The following MTURN variants were observed in gnomAD, a reference collection of about 807,000 sequenced individuals.
MTURN encodes the protein maturin, neural progenitor differentiation regulator homolog.
In MTURN, 7 loss-of-function variants were observed where a neutral mutation model predicts 14.9. The observed-to-expected ratio is 0.47, with a 90% CI of 0.27 to 0.88. The LOEUF (loss-of-function observed/expected upper bound fraction) is 0.88. Ranked by LOEUF, MTURN falls within the 40% of genes least tolerant of loss-of-function variation. The pLI is 0.14. For synonymous variants in MTURN, 69 were observed against 72.5 expected (o/e 0.95, Z 0.25); for missense variants, 151 against 174.1 (o/e 0.87, Z 0.75).
chr7:30,137,747 T>C, intron 1 of MTURN: 1 of 452,414 alleles, frequency 2.2e-6, no homozygotes, highest in Non-Finnish European at 4.6e-6. Context: ...AGTTCTTTTC[T>C]TTTTCCCTGG....
intron 1 of MTURN, chr7:30,145,716 A>C: frequency 9.4e-7 from 1 of 1,068,904 alleles, no homozygotes; most frequent in Middle Eastern, 3.1e-4. Context: ...TCACAGGCCG[A>C]TCTGGGTAAA....
chr7:30,155,947 G>A (rs1349851538), intron 2 of MTURN, among the ~76,000 whole-genome samples: 1 of 152,218 alleles, frequency 6.6e-6, no homozygotes, highest in Non-Finnish European at 1.5e-5. Context: ...CTGTCTTGAT[G>A]CAGTTAGTGT....
At chr7:30,139,677 C>T (rs1259275590) in intron 1 of MTURN, among the ~76,000 whole-genome samples, 1 of 152,184 alleles carries the variant, frequency 6.6e-6, no homozygotes, top group African/African-American at 2.4e-5. Flanking sequence ...CAGAACAGCC[C>T]ACAGGTGGGG....
chr7:30,144,969 C>G (rs1797107820), intron 1 of MTURN, among the ~76,000 whole-genome samples: 1 of 122,570 alleles, frequency 8.2e-6, no homozygotes, highest in South Asian at 2.6e-4. Flanking sequence ...GTTTAGCCAT[C>G]CTGGATCCGT....
rs886903305 is a variant in MTURN, at chr7:30,135,394, G to T, written c.162+96G>T. The T allele has an allele frequency of 6.7e-6, 8 of 1,197,776 alleles. No individual in the cohort carries two copies. In the African/African-American group the frequency reaches 1.3e-4, roughly 20 times the overall value. The allele number at this position is 1,197,776 out of a possible 1,614,324, so 74.2% of individuals were successfully genotyped here. ...GCTCCCGCGCGGTGGGCGGCGGTGG[G>T]CGCAGAGTGGGGGGCCGTAACCCGC... On this transcript the variant is annotated intron_variant, in intron 1 of 2. Transcript: ENST00000324453.
At chr7:30,139,217 A>C (rs1393484922) in intron 1 of MTURN, among the ~76,000 whole-genome samples, 1 of 152,212 alleles carries the variant, frequency 6.6e-6, no homozygotes, top group Non-Finnish European at 1.5e-5. Flanking sequence ...TCAGTTTCAA[A>C]GAATAATAAT....
intron 1 of MTURN, 46 bp downstream of exon 1, chr7:30,135,344 C>T: frequency 1.4e-6 from 2 of 1,456,180 alleles, no homozygotes; most frequent in African/African-American, 1.5e-5. Flanking sequence ...GGAGTGTGGA[C>T]GCGGCGGTGC....
intron 1 of MTURN, among the ~76,000 whole-genome samples, chr7:30,138,311 T>C (rs992673532): frequency 6.6e-6 from 1 of 152,110 alleles, no homozygotes; most frequent in Non-Finnish European, 1.5e-5. Flanking sequence ...GACAGGGTTT[T>C]GTTACGTTAC....
intron 1 of MTURN, among the ~76,000 whole-genome samples, chr7:30,140,554 T>C (rs1797035930): frequency 6.6e-6 from 1 of 152,170 alleles, no homozygotes; most frequent in Non-Finnish European, 1.5e-5. Context: ...GGAGAGAAAG[T>C]ACTTTCTTGT....
intron 2 of MTURN, among the ~76,000 whole-genome samples, chr7:30,149,327 G>A (rs1408244354): frequency 2.6e-5 from 4 of 152,200 alleles, no homozygotes; most frequent in Admixed American, 2.6e-4. Flanking sequence ...GGGCAGGGAT[G>A]TGGCTCCCCA....
In MTURN at chr7:30,162,384, T is replaced by A. The variant is rs1361876885; in HGVS notation, c.*4836T>A. The A allele has an allele frequency of 6.6e-6, 1 of 152,292 alleles. No homozygotes were observed. Among genetic ancestry groups the A allele is most frequent in the Non-Finnish European group, 1.5e-5 (1 of 68,036 alleles). 9.4% of individuals were successfully genotyped at this position (152,292 alleles called of 1,614,324 possible). A position where few individuals can be genotyped will look rare whatever the true frequency, so the allele number is the denominator to read the frequency against. On this transcript the variant is annotated 3_prime_UTR_variant, in exon 3 of 3. Transcript: ENST00000324453. ...AGTAAATCTTCAATGCTAGGGCAGATCTTCACTATCCGTGATCCAGTCTTA... is the reference window on the plus strand; with the variant it reads ...AGTAAATCTTCAATGCTAGGGCAGAACTTCACTATCCGTGATCCAGTCTTA...
At position 30,146,103 on chromosome 7, in the gene MTURN, C is replaced by G. The variant is rs189327356; in HGVS notation, c.163-74C>G. ...GATGTTATTAAGAAAATCTGCTTGG[C>G]TTTTCTGAACTTCACACTGAGTGTA... is the stretch of plus-strand genomic sequence containing the variant. On this transcript the variant is annotated intron_variant, in intron 1 of 2. Coordinates refer to ENST00000324453, the MANE Select transcript of MTURN (RefSeq NM_152793.3). The G allele has an allele frequency of 8.7e-5, 140 of 1,602,480 alleles. 1 individual carries two copies. The East Asian group carries it at 2.6e-3, about 30-fold the overall frequency.
At position 30,157,457 on chromosome 7, in the gene MTURN, C is replaced by T; in HGVS notation, c.305C>T (p.Ala102Val). ...SFRPLLGLPD[A>V]DDDAFEEYSA... is the part of the protein sequence containing the mutation. Reference sequence around the variant, plus strand: ...CTGTAGTTACTGGGGCTTCCGGATGCAGATGACGATGCGTTTGAAGAGTAC... The same window carrying T: ...CTGTAGTTACTGGGGCTTCCGGATGTAGATGACGATGCGTTTGAAGAGTAC... Residue 102 changes from alanine (A) to valine (V), a missense_variant, in exon 3 of 3, where the codon GCA becomes GTA. Ala to Val is a moderately conservative substitution (Grantham distance 64). Transcript: ENST00000324453. The T allele has an allele frequency of 6.2e-7, 1 of 1,600,338 alleles. No homozygotes were observed. Among genetic ancestry groups the T allele is most frequent in the Non-Finnish European group, 8.5e-7 (1 of 1,174,226 alleles).
intron 1 of MTURN, among the ~76,000 whole-genome samples, chr7:30,136,341 T>G (rs981862958): frequency 1.3e-5 from 2 of 152,084 alleles, no homozygotes; most frequent in African/African-American, 2.4e-5. Flanking sequence ...AGCACGGTGC[T>G]CATGAAGTGT....
chr7:30,156,506 A>AAT (rs1437542155), intron 2 of MTURN, among the ~76,000 whole-genome samples: 2 of 151,770 alleles, frequency 1.3e-5, no homozygotes. Flanking sequence ...CTCTATTAAA[A>AAT]ATATATATAT....
intron 1 of MTURN, among the ~76,000 whole-genome samples, chr7:30,140,308 A>T (rs1276585843): frequency 1.3e-5 from 2 of 152,090 alleles, no homozygotes; most frequent in Non-Finnish European, 2.9e-5. Flanking sequence ...CAGCACAAAA[A>T]CAAAGGTAGT....
rs1797311983 is a variant in MTURN at position 30,157,943 on chromosome 7, G to A, written c.*395G>A. Reference sequence around the variant, plus strand: ...GGTGACCTTACTGAGGGAAAGCATGGCAGAGAAGAAATGCAGTCTGCACTT... The same window carrying A: ...GGTGACCTTACTGAGGGAAAGCATGACAGAGAAGAAATGCAGTCTGCACTT... On this transcript the variant is annotated 3_prime_UTR_variant, in exon 3 of 3. Transcript: ENST00000324453. 2.0e-5 allele frequency: 3 copies of A among 153,298 alleles called. No individual in the cohort carries two copies. Among genetic ancestry groups the A allele is most frequent in the African/African-American group, 7.2e-5 (3 of 41,486 alleles). The allele number at this position is 153,298 out of a possible 1,614,324, so 9.5% of individuals were successfully genotyped here. A position where few individuals can be genotyped will look rare whatever the true frequency, so the allele number is the denominator to read the frequency against.
At chr7:30,135,430 C>G in intron 1 of MTURN, 132 bp downstream of exon 1, 1 of 732,716 alleles carries the variant, frequency 1.4e-6, no homozygotes, top group South Asian at 6.4e-5. Context: ...GCCCCGCGCC[C>G]CGCGTGCTCC....
chr7:30,146,156 C>A (rs1228735948), intron 1 of MTURN, 21 bp from the exon 2 acceptor site: 1 of 1,613,484 alleles, frequency 6.2e-7, no homozygotes, highest in Non-Finnish European at 8.5e-7. Flanking sequence ...TTTTCTCCTT[C>A]CGTCGCCCGT....
Sources: gnomAD v4.1 joint callset for allele counts (sites outside exome capture counted in the v4.1 genomes callset) on GRCh38, gnomAD v4.1.1 for gene constraint, MANE v1.5 for transcripts, NCBI Gene and HGNC (gene_info 2026-07-23, HGNC 2026-07-21) for gene names.